Variants in MTMR12 observed in about 807,000 individuals in gnomAD.
MTMR12 encodes myotubularin-related protein 12.
MTMR12 carries 33 observed loss-of-function variants against 96.7 expected under a neutral mutation model. The observed-to-expected ratio is 0.34, with a 90% CI of 0.26 to 0.46. The LOEUF is 0.46. MTMR12 is among the 20% of genes least tolerant of loss of function. The pLI, the probability that MTMR12 is intolerant of heterozygous loss-of-function variation, is 1.00. For missense variants in MTMR12, 721 were observed against 896.1 expected (o/e 0.80, Z 2.49); for synonymous variants, 298 against 327.2 (o/e 0.91, Z 0.96).
chr5:32,230,364 A>G lies in MTMR12; in HGVS notation c.1675-17T>C, dbSNP rs1747947578. On this transcript the variant is annotated splice_polypyrimidine_tract_variant and intron_variant, in intron 15 of 15. Coordinates refer to ENST00000382142, the MANE Select transcript of MTMR12 (RefSeq NM_001040446.3). Reference sequence around the variant, plus strand: ...TCGTTGATGCTTTGAGAGAAAACACAAATAAAAATCACTGGTTAACATAAC... The same window carrying G: ...TCGTTGATGCTTTGAGAGAAAACACGAATAAAAATCACTGGTTAACATAAC... 2.5e-6 allele frequency: 4 copies of G among 1,580,130 alleles called. No homozygotes were observed. The Admixed American group carries it at 5.5e-5, about 22-fold the overall frequency.
chr5:32,242,234 A>T (rs1561746969), intron 11 of MTMR12, 107 bp from the exon 12 acceptor site: 21 of 535,334 alleles, frequency 3.9e-5, no homozygotes, highest in South Asian at 1.2e-4. Flanking sequence ...CTTCTCTCTT[A>T]TTTTTTTTTT....
chr5:32,246,408 C>T (rs182283100), intron 10 of MTMR12, among the ~76,000 whole-genome samples: 38 of 152,228 alleles, frequency 2.5e-4, no homozygotes, highest in African/African-American at 7.0e-4. Flanking sequence ...GTTATCCGCC[C>T]GTCTCAGCCT....
intron 1 of MTMR12, among the ~76,000 whole-genome samples, chr5:32,300,777 T>C (rs1751111413): frequency 6.6e-6 from 1 of 152,182 alleles, no homozygotes; most frequent in Non-Finnish European, 1.5e-5. Flanking sequence ...TAAAGCTGCA[T>C]AAAGAGATTT....
intron 1 of MTMR12, among the ~76,000 whole-genome samples, chr5:32,280,266 GCTC>G (rs1450361480): frequency 6.6e-6 from 1 of 152,162 alleles, no homozygotes; most frequent in African/African-American, 2.4e-5. Flanking sequence ...GCTTATAAAT[GCTC>G]CTATCAGCTT....
chr5:32,254,024 G>C (rs759572419), intron 8 of MTMR12, among the ~76,000 whole-genome samples: 9 of 152,228 alleles, frequency 5.9e-5, no homozygotes, highest in Non-Finnish European at 1.0e-4. Context: ...AGAATGCAGA[G>C]TATCTACATT....
chr5:32,271,270 G>C (rs866179695), intron 4 of MTMR12, among the ~76,000 whole-genome samples: 13 of 152,302 alleles, frequency 8.5e-5, no homozygotes, highest in Admixed American at 3.3e-4. Flanking sequence ...GAAATGACTA[G>C]AGACATGCTT....
intron 7 of MTMR12, among the ~76,000 whole-genome samples, chr5:32,256,804 T>C (rs2047068): frequency 0.32 from 48,563 of 152,134 alleles, 8,059 homozygotes; most frequent in Middle Eastern, 0.44. Context: ...AATATCACCA[T>C]GGGGATGTGA....
chr5:32,245,908 C>CA (rs111479000), intron 10 of MTMR12, among the ~76,000 whole-genome samples: 2,714 of 152,174 alleles, frequency 0.018, 44 homozygotes, highest in East Asian at 0.071. Flanking sequence ...TGGAGCATCA[C>CA]AAAAAACTGT....
intron 1 of MTMR12, among the ~76,000 whole-genome samples, chr5:32,308,731 A>G (rs1581654467): frequency 6.6e-6 from 1 of 151,846 alleles, no homozygotes; most frequent in Non-Finnish European, 1.5e-5. Flanking sequence ...CTCCCGAGTA[A>G]CTGGGACTAA....
intron 6 of MTMR12, among the ~76,000 whole-genome samples, chr5:32,268,247 C>T (rs1749683864): frequency 6.6e-6 from 1 of 152,086 alleles, no homozygotes; most frequent in African/African-American, 2.4e-5. Context: ...GTGGCTCACA[C>T]CTGTAATCCC....
intron 1 of MTMR12, among the ~76,000 whole-genome samples, chr5:32,289,014 A>C (rs1750648879): frequency 6.6e-6 from 1 of 152,214 alleles, no homozygotes; most frequent in Non-Finnish European, 1.5e-5. Context: ...CAAATCTAAC[A>C]GTGGGAACTG....
In MTMR12 at chr5:32,233,117, C is replaced by G. The variant is rs1748063889; in HGVS notation, c.1674+656G>C. 5.8e-6 allele frequency: 4 copies of G among 683,792 alleles called. No homozygotes were observed. The South Asian group carries it at 2.6e-4, about 45-fold the overall frequency. The allele number at this position is 683,792 out of a possible 1,614,324, so 42.4% of individuals were successfully genotyped here. A position where few individuals can be genotyped will look rare whatever the true frequency, so the allele number is the denominator to read the frequency against. On this transcript the variant is annotated intron_variant, in intron 15 of 15. Coordinates refer to ENST00000382142, the MANE Select transcript of MTMR12 (RefSeq NM_001040446.3). The surrounding 1 kb of genome is among the most constrained non-coding windows in gnomAD (Gnocchi z 5.0). The stretch of plus-strand genomic sequence containing the variant: ...ATTTGTGGCTCATAGCATAGGTCAG[C>G]AAACTGGCCACCCCTCCGGCCAAAT...
At chr5:32,230,789 C>A (rs1029581699) in intron 15 of MTMR12, among the ~76,000 whole-genome samples, 1 of 152,218 alleles carries the variant, frequency 6.6e-6, no homozygotes, top group African/African-American at 2.4e-5. Context: ...AGGCTGTTAA[C>A]CACTACAATC....
intron 10 of MTMR12, 137 bp from the exon 11 acceptor site, chr5:32,243,736 A>G (rs1356324072): frequency 3.4e-6 from 2 of 589,178 alleles, no homozygotes; most frequent in Non-Finnish European, 6.0e-6. Context: ...ACAGGACTCT[A>G]TTTTGAGTAA....
chr5:32,302,657 C>T (rs1020679648), intron 1 of MTMR12, among the ~76,000 whole-genome samples: 1 of 151,122 alleles, frequency 6.6e-6, no homozygotes, highest in East Asian at 1.9e-4. Context: ...GCGGAGGTTG[C>T]AGTGAGCCAA....
chr5:32,271,947 C>T (rs1294380453), intron 3 of MTMR12, 42 bp from the exon 4 acceptor site: 1 of 1,199,342 alleles, frequency 8.3e-7, no homozygotes, highest in Non-Finnish European at 1.2e-6. Flanking sequence ...CCTCTGCATA[C>T]TGTTAGACAT....
intron 8 of MTMR12, among the ~76,000 whole-genome samples, chr5:32,249,116 T>C (rs1748810923): frequency 6.6e-6 from 1 of 152,256 alleles, no homozygotes; most frequent in Admixed American, 6.5e-5. Flanking sequence ...ATATACCTTT[T>C]GACTTATCAT....
At chr5:32,279,799 C>A (rs952845215) in intron 1 of MTMR12, among the ~76,000 whole-genome samples, 8 of 152,172 alleles carry the variant, frequency 5.3e-5, no homozygotes, top group African/African-American at 1.9e-4. Flanking sequence ...TCATAGGGAG[C>A]GTGCAACCTG....
intron 6 of MTMR12, among the ~76,000 whole-genome samples, chr5:32,266,123 A>G (rs1235804295): frequency 1.3e-5 from 2 of 152,090 alleles, no homozygotes; most frequent in East Asian, 3.9e-4. Context: ...TTTCCCCTCG[A>G]TAGTCCACCC....
Sources: gnomAD v4.1 joint callset for allele counts (sites outside exome capture counted in the v4.1 genomes callset) on GRCh38, gnomAD v4.1.1 for gene constraint, Gnocchi (gnomAD v3.1) non-coding constraint, MANE v1.5 for transcripts, NCBI Gene and HGNC (gene_info 2026-07-23, HGNC 2026-07-21) for gene names.